RBM19: variants seen among roughly 807,000 people sequenced by gnomAD.
RBM19 encodes probable RNA-binding protein 19.
In RBM19, 94 loss-of-function variants were observed where a neutral mutation model predicts 116.8. The observed-to-expected ratio is 0.80, with a 90% CI of 0.68 to 0.95. The LOEUF (loss-of-function observed/expected upper bound fraction) is 0.95. Ranked by LOEUF, RBM19 falls within the 40% of genes least tolerant of loss-of-function variation. The probability of loss-of-function intolerance (pLI) is 0.00; values close to 1 mark genes in which losing one functional copy is unlikely to be tolerated. For missense variants in RBM19, 1,161 were observed against 1,220.7 expected, an observed-to-expected ratio of 0.95 and a Z score of 0.73; for synonymous variants, 475 against 494.1, an observed-to-expected ratio of 0.96 and a Z score of 0.51.
intron 22 of RBM19, among the ~76,000 whole-genome samples, chr12:113,851,044 C>T (rs114561190): frequency 2.2e-4 from 34 of 152,356 alleles, no homozygotes; most frequent in Admixed American, 6.5e-4. Flanking sequence ...AAGGCTCCCA[C>T]TGTCCTGTGA....
intron 21 of RBM19, among the ~76,000 whole-genome samples, chr12:113,896,459 C>T (rs2135816997): frequency 6.6e-6 from 1 of 152,356 alleles, no homozygotes; most frequent in South Asian, 2.1e-4. Flanking sequence ...ACCCTGGCTC[C>T]AACCTGGAGG....
intron 18 of RBM19, among the ~76,000 whole-genome samples, chr12:113,922,968 T>TACC (rs991573575): frequency 5.9e-5 from 9 of 152,164 alleles, no homozygotes; most frequent in African/African-American, 2.2e-4. Context: ...ACCCCATCTC[T>TACC]ACCAAGAATA....
intron 18 of RBM19, among the ~76,000 whole-genome samples, chr12:113,923,336 G>C (rs746419626): frequency 2.0e-5 from 3 of 152,110 alleles, no homozygotes; most frequent in African/African-American, 4.8e-5. Flanking sequence ...GCAGCCCCCA[G>C]AAAGAACCAA....
chr12:113,826,575 G>A lies in RBM19; in HGVS notation c.2786-3254C>T, dbSNP rs182987451. ...CAGCACCTGCTCTGGGTCGGGCATGGTGGGGAACAAGCCTGGCTTGGCCCC... is the reference window on the plus strand; with the variant it reads ...CAGCACCTGCTCTGGGTCGGGCATGATGGGGAACAAGCCTGGCTTGGCCCC... On this transcript the variant is annotated intron_variant, in intron 23 of 23. Coordinates refer to ENST00000261741, the MANE Select transcript of RBM19 (RefSeq NM_016196.4). Among the ~76,000 whole-genome samples the A allele has an allele frequency of 2.5e-4, 38 of 152,324 alleles. No individual in the cohort carries two copies. In the East Asian group the frequency reaches 5.8e-3, roughly 23 times the overall value.
intron 1 of RBM19, among the ~76,000 whole-genome samples, chr12:113,965,608 G>A (rs913270765): frequency 6.6e-6 from 1 of 152,184 alleles, no homozygotes; most frequent in African/African-American, 2.4e-5. Flanking sequence ...CTAATATTAC[G>A]TACATTCACC....
At chr12:113,882,214 G>A (rs1024852146) in intron 21 of RBM19, among the ~76,000 whole-genome samples, 1 of 152,180 alleles carries the variant, frequency 6.6e-6, no homozygotes, top group Non-Finnish European at 1.5e-5. Flanking sequence ...TGAAAAGAAA[G>A]AGAACCCCAT....
At chr12:113,816,948 C>T (rs557482600) in exon 25 of RBM19, 2 of 152,328 alleles carry the variant, frequency 1.3e-5, no homozygotes, top group Non-Finnish European at 2.9e-5. Flanking sequence ...ACTCTCCCTT[C>T]CCCGTCCTTT....
intron 18 of RBM19, among the ~76,000 whole-genome samples, chr12:113,924,351 A>G (rs1868863755): frequency 6.6e-6 from 1 of 152,240 alleles, no homozygotes; most frequent in South Asian, 2.1e-4. Flanking sequence ...TCCAGAGCAC[A>G]AAAGTGCTGG....
intron 5 of RBM19, 32 bp downstream of exon 5, chr12:113,959,180 G>A (rs781215599): frequency 3.1e-6 from 5 of 1,588,604 alleles, no homozygotes; most frequent in Admixed American, 1.7e-5. Context: ...ACAGGTCCGT[G>A]CGCATGGAGC....
intron 16 of RBM19, 80 bp downstream of exon 16, chr12:113,936,927 G>A: frequency 1.3e-6 from 2 of 1,533,736 alleles, no homozygotes; most frequent in Non-Finnish European, 1.8e-6. Context: ...GGCTTGATAA[G>A]AAACTTCACG....
Position 113,920,740 on chromosome 12 carries a change from G to A in RBM19, c.2306-50C>T, listed in dbSNP as rs753380341. On this transcript the variant is annotated intron_variant, in intron 18 of 23. Coordinates refer to ENST00000261741, the MANE Select transcript of RBM19 (RefSeq NM_016196.4). ...ACCAGTCGGTGAAGCGGAAGCACAA[G>A]GCCAAGTGCAAGGGCTGTGACGGGC... 5 of 1,544,968 alleles carry A rather than the reference G, an allele frequency of 3.2e-6. No homozygotes were observed. The South Asian group carries it at 5.6e-5, about 17-fold the overall frequency.
Position 113,915,019 on chromosome 12 carries a change from C to A in RBM19, c.2508G>T (p.Val836=). The change falls in exon 21 of 24, where the codon GTG becomes GTT. Residue 836 remains valine (V), a synonymous_variant. Transcript: ENST00000261741. ...TGTGGGCCTGGAAGGGGATGTTCCG[C>A]ACCAGGATCTTGGAGGTGGTCTGCT... ...PRKQTTSKIL[V]RNIPFQAHSR... is the part of the protein sequence containing the mutation. 6.2e-7 allele frequency: 1 copy of A among 1,614,234 alleles called. No individual in the cohort carries two copies. The highest frequency in any genetic ancestry group is 8.5e-7 in the Non-Finnish European group (1 of 1,180,038).
intron 21 of RBM19, among the ~76,000 whole-genome samples, chr12:113,907,165 C>T (rs1392845463): frequency 2.0e-5 from 3 of 152,164 alleles, no homozygotes; most frequent in African/African-American, 7.2e-5. Context: ...GTCATGGCAG[C>T]CACAGAAACT....
intron 21 of RBM19, among the ~76,000 whole-genome samples, chr12:113,870,664 T>C (rs957233687): frequency 1.3e-5 from 2 of 152,106 alleles, no homozygotes; most frequent in Admixed American, 1.3e-4. Flanking sequence ...TGCAGGGTTT[T>C]GCAGGGATCA....
rs115402420 is a variant in RBM19 at position 113,903,752 on chromosome 12, T to C, written c.2558+11217A>G. On this transcript the variant is annotated intron_variant, in intron 21 of 23. Transcript: ENST00000261741. The surrounding 1 kb of genome is among the most constrained non-coding windows in gnomAD (Gnocchi z 5.1). ...TGAGTCAGAGCCCTGAATATTCCTC[T>C]TGGGCATTCCTTTTGTAGGCTGGCC... 2.3e-3 allele frequency among the ~76,000 whole-genome samples: 348 copies of C among 152,356 alleles called. 1 individual carries two copies. The highest frequency in any genetic ancestry group is 7.7e-3 in the African/African-American group (322 of 41,566).
At chr12:113,883,327 C>CT (rs1880286175) in intron 21 of RBM19, among the ~76,000 whole-genome samples, 1 of 152,252 alleles carries the variant, frequency 6.6e-6, no homozygotes, top group African/African-American at 2.4e-5. Flanking sequence ...GCAAGAGAGG[C>CT]TGCTGTCTAG....
chr12:113,823,746 T>C (rs1426372364), intron 23 of RBM19, among the ~76,000 whole-genome samples: 1 of 152,170 alleles, frequency 6.6e-6, no homozygotes, highest in East Asian at 1.9e-4. Context: ...CCTGTGCTGC[T>C]TCCTCACAGC....
At chr12:113,959,124 A>G in intron 5 of RBM19, 88 bp downstream of exon 5, 1 of 1,451,284 alleles carries the variant, frequency 6.9e-7, no homozygotes, top group East Asian at 2.3e-5. Context: ...TGACTCCTAG[A>G]GTCTGCACAG....
intron 19 of RBM19, among the ~76,000 whole-genome samples, chr12:113,919,496 G>C (rs1051423602): frequency 2.0e-5 from 3 of 152,204 alleles, no homozygotes; most frequent in African/African-American, 7.2e-5. Flanking sequence ...GCGTGAACCT[G>C]GGAGGCGGAG....
Sources: allele counts gnomAD v4.1 joint callset (sites outside exome capture counted in the v4.1 genomes callset), GRCh38; gene constraint gnomAD v4.1.1; non-coding constraint Gnocchi (gnomAD v3.1); transcripts MANE v1.5; gene names NCBI Gene and HGNC (gene_info 2026-07-23, HGNC 2026-07-21).